ZNF362: variants seen among roughly 807,000 people sequenced by gnomAD.
The protein encoded by ZNF362 is rotund homolog.
ZNF362 carries 11 observed loss-of-function variants against 42.9 expected under a neutral mutation model. The ratio of observed to expected loss-of-function variants is 0.26; its 90% CI spans 0.16 to 0.42. The LOEUF (loss-of-function observed/expected upper bound fraction) is 0.42. Ranked by LOEUF, ZNF362 falls within the 20% of genes least tolerant of loss-of-function variation. The pLI is 1.00. For missense variants in ZNF362, 362 were observed against 576.2 expected (o/e 0.63, Z 3.81); for synonymous variants, 255 against 257.3 (o/e 0.99, Z 0.09).
the ZNF362 span, among the ~76,000 whole-genome samples, chr1:33,130,741 G>A: frequency 2.6e-5 from 4 of 152,212 alleles, no homozygotes; most frequent in Non-Finnish European, 5.9e-5. Context: ...GGCAGCAATA[G>A]ATAACTAATA....
In ZNF362 at chr1:33,296,477, G is replaced by C. The variant is rs1403183127; in HGVS notation, c.1146+1172G>C. Among the ~76,000 whole-genome samples the C allele has an allele frequency of 3.9e-5, 6 of 152,116 alleles. 1 individual carries two copies. The East Asian group carries it at 1.2e-3, about 30-fold the overall frequency. On this transcript the variant is annotated intron_variant, in intron 8 of 8. Coordinates refer to ENST00000539719, the MANE Select transcript of ZNF362 (RefSeq NM_152493.3). ...TTCTCATCCTGGCTCTTTGTCCCTG[G>C]GGGGCAAAATCACCTCAATTGAGAA... is the stretch of plus-strand genomic sequence containing the variant.
the ZNF362 span, among the ~76,000 whole-genome samples, chr1:33,140,671 C>A: frequency 6.6e-6 from 1 of 152,248 alleles, no homozygotes; most frequent in Non-Finnish European, 1.5e-5. The surrounding 1 kb of genome is among the most constrained non-coding windows in gnomAD (Gnocchi z 4.0). Context: ...GCAGCTCCAG[C>A]AGCTGCCTGG....
the ZNF362 span, among the ~76,000 whole-genome samples, chr1:33,168,255 G>A: frequency 6.6e-6 from 1 of 152,210 alleles, no homozygotes; most frequent in Non-Finnish European, 1.5e-5. Flanking sequence ...TGAGGCAACT[G>A]TAAAGACCAA....
chr1:33,158,275 G>A, the ZNF362 span: 2 of 1,613,976 alleles, frequency 1.2e-6, no homozygotes, highest in Admixed American at 1.7e-5. Context: ...CCTGGAACAG[G>A]GACTTCCAGA....
chr1:33,292,957 G>C (rs1308399706), intron 6 of ZNF362, among the ~76,000 whole-genome samples: 1 of 152,202 alleles, frequency 6.6e-6, no homozygotes, highest in African/African-American at 2.4e-5. Context: ...GCTCAGAACT[G>C]GGTCAGCCCA....
chr1:33,265,458 CGGAA>C lies in ZNF362; in HGVS notation c.-88-5028_-88-5025del, dbSNP rs1645859021. ...AGCCCTTCCCAGCCCCGTGGGGCTG[CGGAA>C]ACCCGGTCTAATTGGATCCAGGACC... is the stretch of plus-strand genomic sequence containing the variant. On this transcript the variant is annotated intron_variant, in intron 1 of 8. Transcript: ENST00000539719. Among the ~76,000 whole-genome samples, 3 of 152,024 alleles carry C rather than the reference CGGAA, an allele frequency of 2.0e-5. No homozygotes were observed. The East Asian group carries it at 5.8e-4, about 30-fold the overall frequency.
chr1:33,252,152 A>C (rs1311878603), upstream of ZNF362, among the ~76,000 whole-genome samples: 1 of 152,222 alleles, frequency 6.6e-6, no homozygotes, highest in Non-Finnish European at 1.5e-5. Context: ...CGGGAGTTTG[A>C]GACCAGCCTG....
chr1:33,148,021 G>T, the ZNF362 span, among the ~76,000 whole-genome samples: 1 of 152,166 alleles, frequency 6.6e-6, no homozygotes, highest in African/African-American at 2.4e-5. Context: ...AATGTTTGTT[G>T]AATTAACCAG....
chr1:33,219,810 AT>A, the ZNF362 span, among the ~76,000 whole-genome samples: 1 of 152,086 alleles, frequency 6.6e-6, no homozygotes, highest in African/African-American at 2.4e-5. Flanking sequence ...ACCTGGGTCT[AT>A]CCCTGCCCAG....
At chr1:33,232,044 G>C in the ZNF362 span, among the ~76,000 whole-genome samples, 1 of 152,052 alleles carries the variant, frequency 6.6e-6, no homozygotes, top group East Asian at 1.9e-4. Context: ...TGTTTTGCTT[G>C]GGTCCTTTTC....
the ZNF362 span, among the ~76,000 whole-genome samples, chr1:33,216,932 AGAGGCGACGCGTGG>A: frequency 6.6e-6 from 1 of 151,728 alleles, no homozygotes; most frequent in Non-Finnish European, 1.5e-5. Context: ...TTTTCCAAGC[AGAGGCGACGCGTGG>A]GAGTAGAGTT....
the ZNF362 span, among the ~76,000 whole-genome samples, chr1:33,189,651 A>ATATATATGTATATATATACATATC: frequency 4.8e-5 from 1 of 20,710 alleles, no homozygotes; most frequent in African/African-American, 9.4e-5. Flanking sequence ...ATATATATAT[A>ATATATATGTATATATATACATATC]TATATATATA....
chr1:33,138,489 T>C, the ZNF362 span, among the ~76,000 whole-genome samples: 1 of 152,032 alleles, frequency 6.6e-6, no homozygotes, highest in Non-Finnish European at 1.5e-5. Flanking sequence ...AGCGAGACCC[T>C]GTCTCTGCAA....
the ZNF362 span, among the ~76,000 whole-genome samples, chr1:33,150,242 T>C: frequency 4.6e-5 from 7 of 152,232 alleles, no homozygotes; most frequent in African/African-American, 7.2e-5. Flanking sequence ...GCTCTCTGGC[T>C]CTTTCCTTTA....
chr1:33,159,288 TTTATA>T, the ZNF362 span, among the ~76,000 whole-genome samples: 2 of 152,056 alleles, frequency 1.3e-5, no homozygotes, highest in African/African-American at 2.4e-5. This position sits in a 1 kb window ranked among gnomAD's most constrained non-coding sequence, Gnocchi z 4.2. Context: ...ATGTAATATA[TTTATA>T]TTATGATTGT....
At position 33,280,655 on chromosome 1, in the gene ZNF362, G is replaced by T. The variant is rs1188820793; in HGVS notation, c.683+198G>T. Among the ~76,000 whole-genome samples, 1 of 152,196 alleles carries T rather than the reference G, an allele frequency of 6.6e-6. No individual in the cohort carries two copies. The highest frequency in any genetic ancestry group is 1.5e-5 in the Non-Finnish European group (1 of 68,030). On this transcript the variant is annotated intron_variant, in intron 5 of 8. Coordinates refer to ENST00000539719, the MANE Select transcript of ZNF362 (RefSeq NM_152493.3). The surrounding 1 kb of genome is among the most constrained non-coding windows in gnomAD (Gnocchi z 5.6). The stretch of plus-strand genomic sequence containing the variant: ...GTTCGGGGAGGGCTGCTGGGGAGGG[G>T]AATAGAGGCTTGGACCCTTAGGTGT...
intron 6 of ZNF362, among the ~76,000 whole-genome samples, chr1:33,290,316 T>C (rs914971318): frequency 1.3e-5 from 2 of 151,878 alleles, no homozygotes. Flanking sequence ...ATGCGGCGTT[T>C]GGTTTTTTGT....
the ZNF362 span, among the ~76,000 whole-genome samples, chr1:33,194,165 C>A: frequency 1.3e-5 from 2 of 152,094 alleles, no homozygotes; most frequent in Non-Finnish European, 2.9e-5. Flanking sequence ...TTAGTACACT[C>A]AAATTGATCT....
At chr1:33,176,346 C>T in the ZNF362 span, 1,138 of 653,632 alleles carry the variant, frequency 1.7e-3, 14 homozygotes, top group African/African-American at 0.018. Flanking sequence ...GAACCTAGCC[C>T]CCAGCCCCCT....
Sources: gnomAD v4.1 joint callset for allele counts (sites outside exome capture counted in the v4.1 genomes callset) on GRCh38, gnomAD v4.1.1 for gene constraint, Gnocchi (gnomAD v3.1) non-coding constraint, MANE v1.5 for transcripts, NCBI Gene and HGNC (gene_info 2026-07-23, HGNC 2026-07-21) for gene names.